The following SPRED2 variants were observed in gnomAD, a reference collection of about 807,000 sequenced individuals.
SPRED2 encodes the protein sprouty-related, EVH1 domain-containing protein 2.
Under a neutral mutation model 43.0 loss-of-function variants are expected in SPRED2, and 47 were observed. That is an observed-to-expected ratio of 1.09 (90% confidence interval 0.87 to 1.40). The LOEUF (loss-of-function observed/expected upper bound fraction) is 1.40. Among genes scored for constraint, SPRED2 ranks in the 40% most tolerant of loss-of-function variants. The pLI is 0.00. For synonymous variants in SPRED2, 225 were observed against 225.7 expected, an observed-to-expected ratio of 1.00 and a Z score of 0.03; for missense variants, 561 against 586.4, an observed-to-expected ratio of 0.96 and a Z score of 0.45.
At chr2:65,377,809 G>A (rs535828093) in intron 1 of SPRED2, 15 of 431,888 alleles carry the variant, frequency 3.5e-5, no homozygotes, top group East Asian at 2.1e-4. Flanking sequence ...AGAGGAGCCC[G>A]GGGGCAGTCC....
chr2:65,352,748 C>T lies in SPRED2; in HGVS notation c.27-7852G>A, dbSNP rs191084667. ...GAGCAATTCTCCTGCCTCAGCCTCT[C>T]GAGTAGCTGGGATTACAGGCGTGCT... On this transcript the variant is annotated intron_variant, in intron 1 of 5. Transcript: ENST00000356388. Among the ~76,000 whole-genome samples the T allele has an allele frequency of 6.6e-5, 10 of 152,296 alleles. 1 individual carries two copies. The highest frequency in any genetic ancestry group is 1.9e-4 in the African/African-American group (8 of 41,558).
Position 65,344,847 on chromosome 2 carries a change from AGTCATCTCTG to A in SPRED2, c.66_75del (p.Arg23ProfsTer50), listed in dbSNP as rs754967383. 6.2e-7 allele frequency: 1 copy of A among 1,614,126 alleles called. No individual in the cohort carries two copies. The highest frequency in any genetic ancestry group is 8.5e-7 in the Non-Finnish European group (1 of 1,180,020). The stretch of plus-strand genomic sequence containing the variant: ...TCCTGTGGGAACCATCCCCCGCTGG[AGTCATCTCTG>A]GTCATAACCACAGCCTTGACACGCA... On this transcript the variant is annotated frameshift_variant, in exon 2 of 6. Coordinates refer to ENST00000356388, the MANE Select transcript of SPRED2 (RefSeq NM_181784.3). LOFTEE classifies it high-confidence loss of function.
intron 1 of SPRED2, among the ~76,000 whole-genome samples, chr2:65,386,266 C>A (rs1233740396): frequency 9.4e-6 from 1 of 106,414 alleles, no homozygotes; most frequent in Non-Finnish European, 1.7e-5. Context: ...GCCTGGGCGA[C>A]AAGAGTGAGA....
At chr2:65,384,726 CAAG>C (rs1212786796) in intron 1 of SPRED2, among the ~76,000 whole-genome samples, 1 of 152,168 alleles carries the variant, frequency 6.6e-6, no homozygotes, top group African/African-American at 2.4e-5. Flanking sequence ...GACTTCAAGA[CAAG>C]AAGATCGGTT....
intron 4 of SPRED2, among the ~76,000 whole-genome samples, chr2:65,329,141 G>C (rs976433620): frequency 1.3e-5 from 2 of 152,198 alleles, no homozygotes; most frequent in Non-Finnish European, 2.9e-5. Context: ...ACTGCGCTGA[G>C]TTCCAAGTTC....
intron 1 of SPRED2, among the ~76,000 whole-genome samples, chr2:65,382,612 T>A (rs959467883): frequency 6.6e-6 from 1 of 152,184 alleles, no homozygotes; most frequent in African/African-American, 2.4e-5. Flanking sequence ...GTAGTCACAT[T>A]TAAAGAGTAA....
chr2:65,310,190 A>G (rs552002469), downstream of SPRED2, among the ~76,000 whole-genome samples: 17 of 152,210 alleles, frequency 1.1e-4, no homozygotes, highest in South Asian at 3.5e-3. Flanking sequence ...CCCTTTAGGA[A>G]GAGTTAAAAC....
At chr2:65,369,162 A>G (rs1675055786) in intron 1 of SPRED2, among the ~76,000 whole-genome samples, 1 of 152,320 alleles carries the variant, frequency 6.6e-6, no homozygotes, top group Admixed American at 6.5e-5. Flanking sequence ...ATTGGACCAT[A>G]AAGAAATTTA....
intron 1 of SPRED2, among the ~76,000 whole-genome samples, chr2:65,363,448 G>A (rs1039556310): frequency 2.0e-5 from 3 of 152,146 alleles, no homozygotes; most frequent in Admixed American, 2.0e-4. Flanking sequence ...AGGAGTTTAT[G>A]TCGTTAGAAG....
intron 4 of SPRED2, among the ~76,000 whole-genome samples, chr2:65,319,341 A>T (rs1232445346): frequency 6.6e-6 from 1 of 152,208 alleles, no homozygotes; most frequent in Non-Finnish European, 1.5e-5. Flanking sequence ...TCAGAAAAGC[A>T]GCTGTCTCCA....
At chr2:65,369,284 TACACAC>T (rs1558672338) in intron 1 of SPRED2, among the ~76,000 whole-genome samples, 2 of 128,650 alleles carry the variant, frequency 1.6e-5, no homozygotes, top group African/African-American at 5.1e-5. Context: ...CACACACACA[TACACAC>T]ACACATGCAC....
chr2:65,431,996 T>C lies in SPRED2; in HGVS notation c.-9A>G, dbSNP rs1252482675. Reference sequence around the variant, plus strand: ...TGTGTTTCTTCGGTCATTTTCTTGTTCACCTAGACGCCTGTCCCGCGGCGG... The same window carrying C: ...TGTGTTTCTTCGGTCATTTTCTTGTCCACCTAGACGCCTGTCCCGCGGCGG... On this transcript the variant is annotated 5_prime_UTR_variant, in exon 1 of 6. It removes the in-frame stop codon of an upstream open reading frame in the 5' UTR. Coordinates refer to ENST00000356388, the MANE Select transcript of SPRED2 (RefSeq NM_181784.3). 1.9e-6 allele frequency: 3 copies of C among 1,613,956 alleles called. No homozygotes were observed. The South Asian group carries it at 3.3e-5, about 18-fold the overall frequency.
intron 1 of SPRED2, among the ~76,000 whole-genome samples, chr2:65,423,730 G>T (rs55792977): frequency 0.4 from 60,234 of 151,588 alleles, 12,163 homozygotes; most frequent in Middle Eastern, 0.51. Flanking sequence ...CAATTTCTCA[G>T]GTGCTGTGCT....
chr2:65,377,875 C>T (rs1198553561), intron 1 of SPRED2: 5 of 365,666 alleles, frequency 1.4e-5, no homozygotes, highest in African/African-American at 4.2e-5. Flanking sequence ...AAGCTGTCCA[C>T]GGAGCTGACT....
intron 1 of SPRED2, among the ~76,000 whole-genome samples, chr2:65,414,166 C>A (rs1314580203): frequency 1.3e-5 from 2 of 152,202 alleles, no homozygotes; most frequent in Non-Finnish European, 2.9e-5. Context: ...TGTTTTTTCA[C>A]AGGCATGCAT....
rs559252566 is a variant in SPRED2 at position 65,431,025 on chromosome 2, G to T, written c.26+937C>A. ...ACTGAAAACGCCTCAGACCAGGGAG[G>T]GAAAATGCCAAACTGGACCCCTGGA... On this transcript the variant is annotated intron_variant, in intron 1 of 5. Transcript: ENST00000356388. Among the ~76,000 whole-genome samples the T allele has an allele frequency of 6.6e-5, 10 of 152,052 alleles. No individual in the cohort carries two copies. In the South Asian group the frequency reaches 1.7e-3, roughly 25 times the overall value.
At position 65,311,023 on chromosome 2, in the gene SPRED2, G is replaced by C; in HGVS notation, c.*2478C>G. The stretch of plus-strand genomic sequence containing the variant: ...TTATTATAAAAAAATCAATACAACA[G>C]GGTTTTTAGTATACAGGTAAAGAAT... On this transcript the variant is annotated 3_prime_UTR_variant, in exon 6 of 6. Coordinates refer to ENST00000356388, the MANE Select transcript of SPRED2 (RefSeq NM_181784.3). 1 of 984,814 alleles carries C rather than the reference G, an allele frequency of 1.0e-6. No homozygotes were observed. The highest frequency in any genetic ancestry group is 4.7e-5 in the South Asian group (1 of 21,266). The allele number at this position is 984,814 out of a possible 1,614,324, so 61.0% of individuals were successfully genotyped here.
In SPRED2 at chr2:65,432,198, T is replaced by A. The variant is rs1428347658; in HGVS notation, c.-211A>T. ...GTGCAAAGGCAGGCTGCGCGGGGAGTGAACGCCGCAGCGCCGTGGGGAGAG... is the reference window on the plus strand; with the variant it reads ...GTGCAAAGGCAGGCTGCGCGGGGAGAGAACGCCGCAGCGCCGTGGGGAGAG... On this transcript the variant is annotated 5_prime_UTR_variant, in exon 1 of 6. Coordinates refer to ENST00000356388, the MANE Select transcript of SPRED2 (RefSeq NM_181784.3). 1.7e-6 allele frequency: 1 copy of A among 603,344 alleles called. No individual in the cohort carries two copies. Among genetic ancestry groups the A allele is most frequent in the Non-Finnish European group, 2.9e-6 (1 of 342,540 alleles). 37.4% of individuals were successfully genotyped at this position (603,344 alleles called of 1,614,324 possible).
rs1467254166 is a variant in SPRED2 at position 65,312,343 on chromosome 2, T to G, written c.*1158A>C. On this transcript the variant is annotated 3_prime_UTR_variant, in exon 6 of 6. Transcript: ENST00000356388. ...AGGAATTTGGTGATGTGAAATTGAG[T>G]CCAAAATGAAACGAAAACATAAACC... 12 of 985,036 alleles carry G rather than the reference T, an allele frequency of 1.2e-5. No individual in the cohort carries two copies. The highest frequency in any genetic ancestry group is 1.3e-5 in the Non-Finnish European group (11 of 829,894). The allele number at this position is 985,036 out of a possible 1,614,324, so 61.0% of individuals were successfully genotyped here. A position where few individuals can be genotyped will look rare whatever the true frequency, so the allele number is the denominator to read the frequency against.
Sources: allele counts gnomAD v4.1 joint callset (sites outside exome capture counted in the v4.1 genomes callset), GRCh38; gene constraint gnomAD v4.1.1; transcripts MANE v1.5; gene names NCBI Gene and HGNC (gene_info 2026-07-23, HGNC 2026-07-21).